Variants in MNAT1 observed in about 807,000 individuals in gnomAD.
MNAT1 encodes CDK-activating kinase assembly factor MAT1.
Under a neutral mutation model 42.0 loss-of-function variants are expected in MNAT1, and 43 were observed. The observed-to-expected ratio is 1.02, with a 90% CI of 0.80 to 1.32. The LOEUF (loss-of-function observed/expected upper bound fraction) is 1.32. MNAT1 is among the 40% of genes most tolerant of loss of function. MNAT1 has a pLI of 0.00. For synonymous variants in MNAT1, 118 were observed against 120.0 expected, an observed-to-expected ratio of 0.98 and a Z score of 0.11; for missense variants, 306 against 350.4, an observed-to-expected ratio of 0.87 and a Z score of 1.01.
chr14:60,808,665 G>A (rs1594769044), intron 4 of MNAT1: 4 of 241,472 alleles, frequency 1.7e-5, no homozygotes, highest in South Asian at 1.1e-4. Flanking sequence ...AAGTGGATCC[G>A]TAAGATAGGT....
chr14:60,775,752 G>A (rs2031229908), intron 1 of MNAT1, among the ~76,000 whole-genome samples: 2 of 152,128 alleles, frequency 1.3e-5, no homozygotes, highest in Non-Finnish European at 2.9e-5. Flanking sequence ...TTGGTGTTTA[G>A]AAATGAGATT....
intron 7 of MNAT1, among the ~76,000 whole-genome samples, chr14:60,935,755 C>A (rs987423120): frequency 3.3e-5 from 5 of 152,028 alleles, no homozygotes; most frequent in African/African-American, 1.2e-4. Context: ...TTTGGGCCCT[C>A]ACAGATGCTG....
rs565765855 is a variant in MNAT1, at chr14:60,818,939, T to A, written c.687+92T>A. The A allele has an allele frequency of 3.1e-5, 44 of 1,422,840 alleles. No homozygotes were observed. The South Asian group carries it at 5.8e-4, about 19-fold the overall frequency. The allele number at this position is 1,422,840 out of a possible 1,614,324, so 88.1% of individuals were successfully genotyped here. On this transcript the variant is annotated intron_variant, in intron 6 of 7. Transcript: ENST00000261245. ...CGATTTCTATAGTAAACCGAAATGT[T>A]CAGATGTTTAAGAACAGTGTCTGAT... is the stretch of plus-strand genomic sequence containing the variant.
intron 6 of MNAT1, among the ~76,000 whole-genome samples, chr14:60,838,266 G>A (rs551544927): frequency 4.6e-5 from 7 of 152,018 alleles, no homozygotes; most frequent in African/African-American, 1.7e-4. Context: ...CTCCTGAGTT[G>A]CTGGGACTAC....
At chr14:60,902,978 A>G (rs2035104703) in intron 7 of MNAT1, among the ~76,000 whole-genome samples, 2 of 151,874 alleles carry the variant, frequency 1.3e-5, no homozygotes, top group South Asian at 4.2e-4. Context: ...TCAATGCTAT[A>G]TTTGTGACTT....
At chr14:60,865,566 A>G (rs2034185514) in intron 6 of MNAT1, among the ~76,000 whole-genome samples, 1 of 152,080 alleles carries the variant, frequency 6.6e-6, no homozygotes, top group Admixed American at 6.6e-5. Context: ...AGAAACAGAT[A>G]TGGTTTGCTG....
intron 7 of MNAT1, among the ~76,000 whole-genome samples, chr14:60,933,573 C>T (rs1302378971): frequency 6.6e-6 from 1 of 151,730 alleles, no homozygotes; most frequent in African/African-American, 2.4e-5. Flanking sequence ...ACAAATTATC[C>T]CATTTATTTA....
intron 6 of MNAT1, among the ~76,000 whole-genome samples, chr14:60,864,421 A>C (rs1049118026): frequency 6.6e-6 from 1 of 151,996 alleles, no homozygotes; most frequent in African/African-American, 2.4e-5. Context: ...TAGTTCTATA[A>C]TAGAGAAGTG....
chr14:60,960,740 A>T (rs897373396), intron 7 of MNAT1, among the ~76,000 whole-genome samples: 3 of 149,870 alleles, frequency 2.0e-5, no homozygotes, highest in Non-Finnish European at 3.0e-5. Context: ...TCATATTCCC[A>T]CCCCCATATC....
chr14:60,890,260 G>T (rs1031037948), intron 7 of MNAT1, among the ~76,000 whole-genome samples: 1 of 152,056 alleles, frequency 6.6e-6, no homozygotes, highest in African/African-American at 2.4e-5. Flanking sequence ...ACCATGATTT[G>T]CATTTGTTAA....
intron 1 of MNAT1, among the ~76,000 whole-genome samples, chr14:60,792,764 TATGTC>T (rs2031868729): frequency 6.6e-6 from 1 of 152,172 alleles, no homozygotes. Flanking sequence ...CTGCTAAAAA[TATGTC>T]ATTCAGAGAG....
At chr14:60,906,709 A>G (rs2035207996) in intron 7 of MNAT1, among the ~76,000 whole-genome samples, 1 of 152,204 alleles carries the variant, frequency 6.6e-6, no homozygotes, top group Admixed American at 6.5e-5. Flanking sequence ...TTTTAAAATA[A>G]TAAAACTGAA....
chr14:60,912,601 TA>T (rs2035397639), intron 7 of MNAT1, among the ~76,000 whole-genome samples: 2 of 152,336 alleles, frequency 1.3e-5, no homozygotes, highest in South Asian at 4.1e-4. Context: ...GGCTGGATAT[TA>T]AATTCTGGGT....
intron 1 of MNAT1, among the ~76,000 whole-genome samples, chr14:60,746,184 C>T (rs1299126464): frequency 6.6e-6 from 1 of 152,086 alleles, no homozygotes; most frequent in Non-Finnish European, 1.5e-5. Context: ...CATCCAGCCC[C>T]CTGAAGCTCT....
At chr14:60,901,335 A>C (rs1739111973) in intron 7 of MNAT1, among the ~76,000 whole-genome samples, 1 of 152,206 alleles carries the variant, frequency 6.6e-6, no homozygotes, top group African/African-American at 2.4e-5. Context: ...CATTGACATT[A>C]CATCTGGTCA....
At chr14:60,950,573 T>C (rs919726322) in intron 7 of MNAT1, among the ~76,000 whole-genome samples, 1 of 152,186 alleles carries the variant, frequency 6.6e-6, no homozygotes, top group African/African-American at 2.4e-5. Context: ...TCGTAAACTT[T>C]CTTAAAACAT....
intron 1 of MNAT1, among the ~76,000 whole-genome samples, chr14:60,769,710 A>G (rs919387212): frequency 1.3e-5 from 2 of 152,206 alleles, no homozygotes; most frequent in African/African-American, 4.8e-5. Context: ...ACTGGAGTGC[A>G]GTGGCACCAT....
intron 6 of MNAT1, among the ~76,000 whole-genome samples, chr14:60,877,732 C>T (rs2034465173): frequency 6.6e-6 from 1 of 151,984 alleles, no homozygotes; most frequent in East Asian, 1.9e-4. Context: ...GAATTCTATG[C>T]CCACGTGGAT....
At chr14:60,919,974 T>C (rs756186721) in intron 7 of MNAT1, 18 of 154,844 alleles carry the variant, frequency 1.2e-4, no homozygotes, top group Non-Finnish European at 7.3e-5. Context: ...AACGCCATCA[T>C]GTTGCCATAG....
Sources: allele counts gnomAD v4.1 joint callset (sites outside exome capture counted in the v4.1 genomes callset), GRCh38; gene constraint gnomAD v4.1.1; transcripts MANE v1.5; gene names NCBI Gene and HGNC (gene_info 2026-07-23, HGNC 2026-07-21).